The following ST6GALNAC3 variants were observed in gnomAD, a reference collection of about 807,000 sequenced individuals.
ST6GALNAC3 encodes ST6 N-acetylgalactosaminide alpha-2,6-sialyltransferase 3, also known as alpha-N-acetylgalactosaminide alpha-2,6-sialyltransferase 3.
A neutral mutation model predicts 32.7 loss-of-function variants in ST6GALNAC3; 25 were observed. The observed-to-expected ratio is 0.76, with a 90% confidence interval of 0.56 to 1.07. ST6GALNAC3 has a LOEUF of 1.07. ST6GALNAC3 is among the 50% of genes least tolerant of loss of function. The probability of loss-of-function intolerance (pLI) is 0.00; values close to 1 mark genes in which losing one functional copy is unlikely to be tolerated. For missense variants in ST6GALNAC3, 355 were observed against 382.4 expected (o/e 0.93, Z 0.60); for synonymous variants, 129 against 133.1 (o/e 0.97, Z 0.21).
intron 2 of ST6GALNAC3, among the ~76,000 whole-genome samples, chr1:76,383,069 C>T (rs1557840688): frequency 6.6e-6 from 1 of 152,168 alleles, no homozygotes; most frequent in Non-Finnish European, 1.5e-5. Context: ...CCTGAAGCTG[C>T]TGCCTTTTCA....
intron 2 of ST6GALNAC3, among the ~76,000 whole-genome samples, chr1:76,375,397 A>T (rs978181674): frequency 6.6e-6 from 1 of 152,234 alleles, no homozygotes; most frequent in Non-Finnish European, 1.5e-5. Flanking sequence ...GTTCCTAGAC[A>T]GGAGAAAAAT....
At chr1:76,265,426 A>T (rs985778244) in intron 1 of ST6GALNAC3, among the ~76,000 whole-genome samples, 1 of 152,144 alleles carries the variant, frequency 6.6e-6, no homozygotes, top group African/African-American at 2.4e-5. Context: ...TCAGAGCAAA[A>T]ACATTGCATT....
chr1:76,472,700 A>C (rs1659110711), intron 3 of ST6GALNAC3, among the ~76,000 whole-genome samples: 1 of 152,156 alleles, frequency 6.6e-6, no homozygotes, highest in South Asian at 2.1e-4. Context: ...CGTGGATAAG[A>C]TGCTTAGAAC....
intron 1 of ST6GALNAC3, among the ~76,000 whole-genome samples, chr1:76,307,160 A>G (rs1242741465): frequency 2.0e-5 from 3 of 152,144 alleles, no homozygotes; most frequent in African/African-American, 7.2e-5. Context: ...CCAAAGGGTT[A>G]GTTCTGATTA....
intron 1 of ST6GALNAC3, among the ~76,000 whole-genome samples, chr1:76,103,431 G>T (rs1647319555): frequency 6.6e-6 from 1 of 151,712 alleles, no homozygotes; most frequent in African/African-American, 2.4e-5. Context: ...TTTTCTTCTG[G>T]CTTCTAATTC....
intron 3 of ST6GALNAC3, among the ~76,000 whole-genome samples, chr1:76,571,132 G>C (rs1665834189): frequency 6.6e-6 from 1 of 152,168 alleles, no homozygotes; most frequent in Non-Finnish European, 1.5e-5. Context: ...TTTTACACCA[G>C]ATATTATCTA....
chr1:76,267,805 T>C (rs546156722), intron 1 of ST6GALNAC3, among the ~76,000 whole-genome samples: 7 of 152,328 alleles, frequency 4.6e-5, no homozygotes, highest in Admixed American at 2.0e-4. Flanking sequence ...CCTCCCCAGA[T>C]AGGGTTTCTT....
intron 1 of ST6GALNAC3, among the ~76,000 whole-genome samples, chr1:76,292,135 C>T (rs1310891055): frequency 6.6e-6 from 1 of 152,162 alleles, no homozygotes; most frequent in African/African-American, 2.4e-5. Flanking sequence ...AAAACATTGC[C>T]CAAACCAGAA....
chr1:76,195,593 T>C lies in ST6GALNAC3; in HGVS notation c.19-118212T>C, dbSNP rs543581210. Reference sequence around the variant, plus strand: ...CACAGTTTGGAGCCACTGCCTTAATTTGTGCTAAGGCGCTAGCAATTTTAC... The same window carrying C: ...CACAGTTTGGAGCCACTGCCTTAATCTGTGCTAAGGCGCTAGCAATTTTAC... On this transcript the variant is annotated intron_variant, in intron 1 of 4. Transcript: ENST00000328299. 5.3e-5 allele frequency among the ~76,000 whole-genome samples: 8 copies of C among 152,364 alleles called. 2 individuals carry two copies. Among genetic ancestry groups the C allele is most frequent in the African/African-American group, 1.9e-4 (8 of 41,592 alleles).
chr1:76,199,538 GTA>G (rs1654403862), intron 1 of ST6GALNAC3, among the ~76,000 whole-genome samples: 1 of 152,176 alleles, frequency 6.6e-6, no homozygotes, highest in Non-Finnish European at 1.5e-5. Flanking sequence ...GTTCAATATT[GTA>G]TAATTTTTTC....
chr1:76,224,508 A>T (rs117527792), intron 1 of ST6GALNAC3, among the ~76,000 whole-genome samples: 1 of 152,326 alleles, frequency 6.6e-6, no homozygotes, highest in East Asian at 1.9e-4. Context: ...TGATTTACAT[A>T]ATCTGGACAT....
chr1:76,369,670 C>T lies in ST6GALNAC3; in HGVS notation c.214-42338C>T, dbSNP rs368351207. Among the ~76,000 whole-genome samples, 21 of 152,230 alleles carry T rather than the reference C, an allele frequency of 1.4e-4. 1 individual carries two copies. Among genetic ancestry groups the T allele is most frequent in the African/African-American group, 5.1e-4 (21 of 41,554 alleles). On this transcript the variant is annotated intron_variant, in intron 2 of 4. Transcript: ENST00000328299. ...CTTTCTCCTACCCCTAAAGAATATA[C>T]AGTCTTCATTCTACCCACTTCTCTC...
At chr1:76,580,420 T>C (rs1433733494) in intron 3 of ST6GALNAC3, among the ~76,000 whole-genome samples, 2 of 152,184 alleles carry the variant, frequency 1.3e-5, no homozygotes, top group Admixed American at 6.5e-5. Context: ...CACATGACTT[T>C]AACTTGGAGA....
intron 1 of ST6GALNAC3, among the ~76,000 whole-genome samples, chr1:76,157,277 C>T (rs1410507791): frequency 6.6e-6 from 1 of 152,214 alleles, no homozygotes; most frequent in African/African-American, 2.4e-5. Flanking sequence ...TACATGTCTC[C>T]AGCTCTAAGC....
At chr1:76,614,819 C>T (rs539715930) in intron 3 of ST6GALNAC3, among the ~76,000 whole-genome samples, 8 of 149,450 alleles carry the variant, frequency 5.4e-5, no homozygotes, top group African/African-American at 1.8e-4. Flanking sequence ...TTACCGGTAG[C>T]AATGGTGGAA....
intron 1 of ST6GALNAC3, among the ~76,000 whole-genome samples, chr1:76,286,024 A>G (rs1434984878): frequency 1.3e-5 from 2 of 151,504 alleles, no homozygotes; most frequent in Admixed American, 6.6e-5. Context: ...ACTGACAGCC[A>G]TAGGCTAAGA....
intron 3 of ST6GALNAC3, among the ~76,000 whole-genome samples, chr1:76,469,845 A>C (rs1482974018): frequency 1.3e-5 from 2 of 152,152 alleles, no homozygotes; most frequent in Non-Finnish European, 2.9e-5. Context: ...CCATTGCTTC[A>C]GATGAGCACA....
At chr1:76,581,274 GT>G (rs1269295943) in intron 3 of ST6GALNAC3, among the ~76,000 whole-genome samples, 5 of 152,064 alleles carry the variant, frequency 3.3e-5, no homozygotes, top group African/African-American at 9.7e-5. Context: ...ACTAAGGAAT[GT>G]TGATTTTCTA....
chr1:76,179,769 A>G (rs1056781140), intron 1 of ST6GALNAC3, among the ~76,000 whole-genome samples: 3 of 152,182 alleles, frequency 2.0e-5, no homozygotes, highest in Admixed American at 6.5e-5. Context: ...TGCTCTGGCC[A>G]TAATTTCCTC....
Sources: gnomAD v4.1 joint callset for allele counts (sites outside exome capture counted in the v4.1 genomes callset) on GRCh38, gnomAD v4.1.1 for gene constraint, MANE v1.5 for transcripts, NCBI Gene and HGNC (gene_info 2026-07-23, HGNC 2026-07-21) for gene names.